Variants in CBL observed in about 807,000 individuals in gnomAD.
The protein encoded by CBL is Cbl proto-oncogene.
In CBL, 45 loss-of-function variants were observed where a neutral mutation model predicts 96.9. The ratio of observed to expected loss-of-function variants is 0.46; its 90% confidence interval spans 0.37 to 0.60. CBL has a LOEUF of 0.60. Ranked by LOEUF, CBL falls within the 20% of genes least tolerant of loss-of-function variation. CBL has a pLI of 0.00. For synonymous variants in CBL, 420 were observed against 426.8 expected (o/e 0.98, Z 0.20); for missense variants, 1,024 against 1,143.5 (o/e 0.90, Z 1.51).
At chr11:119,210,505 T>C (rs6589721) in intron 1 of CBL, among the ~76,000 whole-genome samples, 96,198 of 151,830 alleles carry the variant, frequency 0.63, 32,185 homozygotes, top group East Asian at 0.88. Context: ...TCTCGGCTCA[T>C]TGTTTCCTCT....
intron 2 of CBL, 64 bp from the exon 3 acceptor site, chr11:119,271,671 A>T: frequency 7.5e-7 from 1 of 1,337,986 alleles, no homozygotes; most frequent in Admixed American, 1.7e-5. Flanking sequence ...TGTATGGTGA[A>T]TTTGGTGCAT....
Position 119,279,607 on chromosome 11 carries a change from G to A in CBL, c.1431+894G>A, listed in dbSNP as rs1232809779. On this transcript the variant is annotated intron_variant, in intron 9 of 15. Coordinates refer to ENST00000264033, the MANE Select transcript of CBL (RefSeq NM_005188.4). Reference sequence around the variant, plus strand: ...TTCAAGGCGGGAGTGAGTTGTGATTGTACCACTGCACTCTAGGTTGGGTGA... The same window carrying A: ...TTCAAGGCGGGAGTGAGTTGTGATTATACCACTGCACTCTAGGTTGGGTGA... Among the ~76,000 whole-genome samples, 4 of 152,066 alleles carry A rather than the reference G, an allele frequency of 2.6e-5. No homozygotes were observed. In the East Asian group the frequency reaches 7.7e-4, roughly 29 times the overall value.
chr11:119,221,427 GT>G (rs1172738982), intron 1 of CBL, among the ~76,000 whole-genome samples: 2 of 151,872 alleles, frequency 1.3e-5, no homozygotes, highest in Non-Finnish European at 2.9e-5. Flanking sequence ...AAAAGGATGG[GT>G]TTCTGATTTG....
chr11:119,253,365 C>G (rs1223660849), intron 2 of CBL, among the ~76,000 whole-genome samples: 4 of 149,398 alleles, frequency 2.7e-5, no homozygotes, highest in East Asian at 3.9e-4. Context: ...TGCCTGTAGT[C>G]CCAGCTATTC....
chr11:119,291,864 CT>C (rs929950523), intron 12 of CBL, among the ~76,000 whole-genome samples: 7 of 151,488 alleles, frequency 4.6e-5, no homozygotes, highest in Non-Finnish European at 8.9e-5. Context: ...AGTTTTCATA[CT>C]TTTTTTTTCG....
chr11:119,257,724 A>G (rs536003182), intron 2 of CBL, among the ~76,000 whole-genome samples: 1 of 152,004 alleles, frequency 6.6e-6, no homozygotes, highest in Admixed American at 6.5e-5. Context: ...TGATTTTTCT[A>G]TGTGGTGAAA....
chr11:119,224,101 A>G (rs138346414), intron 1 of CBL, among the ~76,000 whole-genome samples: 1 of 152,324 alleles, frequency 6.6e-6, no homozygotes, highest in East Asian at 1.9e-4. Context: ...GACATTTAGT[A>G]TACAAATGAA....
chr11:119,295,796 A>G (rs1255917898), intron 12 of CBL, among the ~76,000 whole-genome samples: 1 of 152,196 alleles, frequency 6.6e-6, no homozygotes, highest in Non-Finnish European at 1.5e-5. Context: ...AAAGAATTTT[A>G]CAGTGAACAC....
In CBL at chr11:119,278,149, A is replaced by AT. The variant is rs758061092; in HGVS notation, c.1096-9dup. The AT allele has an allele frequency of 1.3e-5, 20 of 1,565,724 alleles. No homozygotes were observed. The highest frequency in any genetic ancestry group is 2.3e-5 in the East Asian group (1 of 44,440). ...TATTTATTCAACTAATAGTCTTTTA[A>AT]TTTTTTTTAATCAAAGGAACAATAT... On this transcript the variant is annotated splice_polypyrimidine_tract_variant and intron_variant, in intron 7 of 15. Transcript: ENST00000264033.
chr11:119,287,791 A>G (rs2135312794), intron 11 of CBL, 61 bp from the exon 12 acceptor site: 1 of 1,043,364 alleles, frequency 9.6e-7, no homozygotes, highest in South Asian at 1.3e-5. Context: ...AAGGTTCAAT[A>G]AGAGCAGAGG....
chr11:119,276,425 T>G (rs1051518670), intron 6 of CBL, among the ~76,000 whole-genome samples: 2 of 152,212 alleles, frequency 1.3e-5, no homozygotes, highest in Non-Finnish European at 2.9e-5. Flanking sequence ...TTTTAAAATA[T>G]ACCAATTAGC....
intron 9 of CBL, among the ~76,000 whole-genome samples, chr11:119,281,491 A>G (rs1393003929): frequency 7.0e-6 from 1 of 142,874 alleles, no homozygotes; most frequent in Admixed American, 7.0e-5. Context: ...TGTCACCAAA[A>G]GCCTTTTTTT....
At position 119,274,922 on chromosome 11, in the gene CBL, C is replaced by G. The variant is rs730880432; in HGVS notation, c.838C>G (p.Arg280Gly). The G allele has an allele frequency of 1.2e-6, 2 of 1,614,032 alleles. No homozygotes were observed. The highest frequency in any genetic ancestry group is 1.7e-6 in the Non-Finnish European group (2 of 1,179,964). Residue 280 changes from arginine (R) to glycine (G), a missense_variant, in exon 5 of 16, where the codon CGG becomes GGG. By Grantham distance (125) the Arg-to-Gly change is moderately radical. This residue lies in a region of CBL where 192 missense variants were observed against 321.8 expected (regional missense o/e 0.60). Coordinates refer to ENST00000264033, the MANE Select transcript of CBL (RefSeq NM_005188.4). The stretch of plus-strand genomic sequence containing the variant: ...TTTGACGTATGACGAAGTGAAAGCT[C>G]GGCTCCAGAAATTCATTCACAAACC... ...AFLTYDEVKA[R>G]LQKFIHKPGS...
intron 2 of CBL, among the ~76,000 whole-genome samples, chr11:119,239,118 C>T (rs1190549736): frequency 6.6e-6 from 1 of 152,022 alleles, no homozygotes; most frequent in African/African-American, 2.4e-5. Context: ...CACAGGTGCG[C>T]ACCATCATGC....
chr11:119,298,430 A>T lies in CBL; in HGVS notation c.2324A>T (p.Asp775Val). The T allele has an allele frequency of 6.2e-7, 1 of 1,614,174 alleles. No homozygotes were observed. The highest frequency in any genetic ancestry group is 8.5e-7 in the Non-Finnish European group (1 of 1,180,000). The change falls in exon 15 of 16, where the codon GAT (aspartate) becomes GTT (valine). Residue 775 changes from aspartate (D) to valine (V), a missense_variant. Asp to Val is a radical substitution (Grantham distance 152, BLOSUM62 -3). Transcript: ENST00000264033. Reference sequence around the variant, plus strand: ...TCAGAAAATGAGGATGATGGGTATGATGTCCCAAAGCCACCTGTGCCGGCC... The same window carrying T: ...TCAGAAAATGAGGATGATGGGTATGTTGTCCCAAAGCCACCTGTGCCGGCC... ...EESENEDDGY[D>V]VPKPPVPAVL...
chr11:119,285,334 G>C lies in CBL; in HGVS notation c.1709G>C (p.Gly570Ala). The C allele has an allele frequency of 8.1e-6, 13 of 1,614,090 alleles. No homozygotes were observed. Among genetic ancestry groups the C allele is most frequent in the Non-Finnish European group, 1.1e-5 (13 of 1,180,034 alleles). The change falls in exon 11 of 16, where the codon GGC becomes GCC. Residue 570 changes from glycine (G) to alanine (A), a missense_variant. By Grantham distance (60) the Gly-to-Ala change is moderately conservative. Around this residue, in one of 4 missense-constraint regions of CBL, gnomAD observed 695 missense variants for 661.6 expected, o/e 1.05. Coordinates refer to ENST00000264033, the MANE Select transcript of CBL (RefSeq NM_005188.4). ...PQRRPLPCTPGDCPSRDKLPP... is the reference protein window; with the variant it reads ...PQRRPLPCTPADCPSRDKLPP... ...AGACGCCCCTTGCCTTGTACACCAGGCGACTGTCCCTCCAGAGACAAACTG... is the reference window on the plus strand; with the variant it reads ...AGACGCCCCTTGCCTTGTACACCAGCCGACTGTCCCTCCAGAGACAAACTG...
At chr11:119,236,246 G>A (rs898362922) in intron 2 of CBL, among the ~76,000 whole-genome samples, 12 of 152,048 alleles carry the variant, frequency 7.9e-5, no homozygotes, top group East Asian at 1.9e-4. Flanking sequence ...CTCCCCTGGC[G>A]CTTGGTAATC....
At position 119,306,941 on chromosome 11, in the gene CBL, GA is replaced by G. The variant is rs112360309; in HGVS notation, c.*7173del. ...AAAACAAAACAATTTTTAGCACACT[GA>G]AAAAAAAAAAAAGCCAAATGTTTTG... On this transcript the variant is annotated 3_prime_UTR_variant, in exon 16 of 16. Transcript: ENST00000264033. The G allele has an allele frequency of 0.074, 13,796 of 187,188 alleles. 3 individuals are homozygous for G. Among genetic ancestry groups the G allele is most frequent in the East Asian group, 0.16 (1,803 of 11,414 alleles). 11.6% of individuals were successfully genotyped at this position (187,188 alleles called of 1,614,324 possible).
intron 2 of CBL, among the ~76,000 whole-genome samples, chr11:119,252,675 G>C (rs1949678131): frequency 6.6e-6 from 1 of 152,008 alleles, no homozygotes; most frequent in Non-Finnish European, 1.5e-5. Context: ...GGCCAACATG[G>C]TGAAACCCCA....
Sources: gnomAD v4.1 joint callset for allele counts (sites outside exome capture counted in the v4.1 genomes callset) on GRCh38, gnomAD v4.1.1 for gene constraint, gnomAD v4.1.1 regional missense constraint, MANE v1.5 for transcripts, NCBI Gene and HGNC (gene_info 2026-07-23, HGNC 2026-07-21) for gene names.